Variants in CNTNAP1 observed in about 807,000 individuals in gnomAD.
CNTNAP1 encodes the protein contactin associated protein 1, also known as contactin-associated protein 1.
CNTNAP1 carries 80 observed loss-of-function variants against 161.5 expected under a neutral mutation model. That is an observed-to-expected ratio of 0.50 (90% CI 0.41 to 0.60). The LOEUF is 0.60. Ranked by LOEUF, CNTNAP1 falls within the 20% of genes least tolerant of loss-of-function variation. The pLI, the probability that CNTNAP1 is intolerant of heterozygous loss-of-function variation, is 0.00. For synonymous variants in CNTNAP1, 695 were observed against 733.1 expected (o/e 0.95, Z 0.84); for missense variants, 1,464 against 1,854.8 (o/e 0.79, Z 3.87).
In CNTNAP1 at chr17:42,699,152, T is replaced by G; in HGVS notation, c.*242T>G. The G allele has an allele frequency of 2.4e-6, 1 of 425,178 alleles. No individual in the cohort carries two copies. The highest frequency in any genetic ancestry group is 4.1e-6 in the Non-Finnish European group (1 of 241,988). 26.3% of individuals were successfully genotyped at this position (425,178 alleles called of 1,614,324 possible). On this transcript the variant is annotated 3_prime_UTR_variant, in exon 24 of 24. Coordinates refer to ENST00000264638, the MANE Select transcript of CNTNAP1 (RefSeq NM_003632.3). Reference sequence around the variant, plus strand: ...CTGTTTCCCCAGGCTCCTGGCTGTTTATCTGCCCCAAAGGAGAAGCCTCAT... The same window carrying G: ...CTGTTTCCCCAGGCTCCTGGCTGTTGATCTGCCCCAAAGGAGAAGCCTCAT...
At chr17:42,683,087 G>A in intron 1 of CNTNAP1, 191 bp downstream of exon 1, 2 of 637,622 alleles carry the variant, frequency 3.1e-6, no homozygotes, top group South Asian at 2.0e-5. Flanking sequence ...CGCGCCCGGG[G>A]CTGGGGCTGG....
At position 42,686,064 on chromosome 17, in the gene CNTNAP1, G is replaced by A. The variant is rs760814838; in HGVS notation, c.823G>A (p.Val275Ile). The A allele has an allele frequency of 6.2e-7, 1 of 1,614,214 alleles. No homozygotes were observed. The highest frequency in any genetic ancestry group is 1.1e-5 in the South Asian group (1 of 91,078). ...GCGGGTGGACCGATTTGGCCGCGAT[G>A]TAAATTTCACCCTGGACGGCTATGT... ...YVRVDRFGRD[V>I]NFTLDGYVQR... The change falls in exon 6 of 24, where the codon GTA becomes ATA. Residue 275 changes from valine to isoleucine, a missense_variant. This residue lies in a region of CNTNAP1 where 1,383 missense variants were observed against 1,765.0 expected (regional missense o/e 0.78). Transcript: ENST00000264638.
In CNTNAP1 at chr17:42,686,469, G is replaced by GTTTTTTTTTTTTTTTTTTTT. The variant is rs748366958; in HGVS notation, c.900+333_900+352dup. ...CTTGCCACTCACCAGAAAAAGGCCT[G>GTTTTTTTTTTTTTTTTTTTT]TTTTTTTTTTTTTTTTTTTTTTTTG... On this transcript the variant is annotated intron_variant, in intron 6 of 23. Coordinates refer to ENST00000264638, the MANE Select transcript of CNTNAP1 (RefSeq NM_003632.3). 1.7e-4 allele frequency among the ~76,000 whole-genome samples: 12 copies of GTTTTTTTTTTTTTTTTTTTT among 71,364 alleles called. 3 individuals are homozygous for GTTTTTTTTTTTTTTTTTTTT. The highest frequency in any genetic ancestry group is 3.4e-4 in the African/African-American group (6 of 17,404). The allele number at this position is 71,364 out of a possible 152,430, so 46.8% of individuals were successfully genotyped here.
At position 42,685,908 on chromosome 17, in the gene CNTNAP1, A is replaced by G; in HGVS notation, c.716-49A>G. 11 of 1,597,810 alleles carry G rather than the reference A, an allele frequency of 6.9e-6. No individual in the cohort carries two copies. The highest frequency in any genetic ancestry group is 9.4e-6 in the Non-Finnish European group (11 of 1,167,554). On this transcript the variant is annotated intron_variant, in intron 5 of 23. Transcript: ENST00000264638. This position sits in a 1 kb window ranked among gnomAD's most constrained non-coding sequence, Gnocchi z 5.0. ...TGCTCTGCCTAGGAGCTTGGACTCC[A>G]TGGAGTTCTCCTGGCTTGAGGTTTC...
rs745452887 is a variant in CNTNAP1 at position 42,684,050 on chromosome 17, T to A, written c.184T>A (p.Ser62Thr). 2 of 1,613,936 alleles carry A rather than the reference T, an allele frequency of 1.2e-6. No individual in the cohort carries two copies. Among genetic ancestry groups the A allele is most frequent in the Admixed American group, 3.3e-5 (2 of 60,006 alleles). Residue 62 changes from serine (S) to threonine (T), a missense_variant, in exon 3 of 24, where the codon TCA (serine) becomes ACA (threonine). By Grantham distance (58) the Ser-to-Thr change is moderately conservative. Around this residue, in one of 3 missense-constraint regions of CNTNAP1, gnomAD observed 4 missense variants for 16.3 expected, o/e 0.25. Coordinates refer to ENST00000264638, the MANE Select transcript of CNTNAP1 (RefSeq NM_003632.3). ...FARLHGISGW[S>T]PRIGDPNPWL... is the part of the protein sequence containing the mutation. ...CCTTTCTATAGGCATAAGCGGGTGG[T>A]CACCACGGATTGGGGATCCGAATCC...
intron 18 of CNTNAP1, among the ~76,000 whole-genome samples, chr17:42,694,873 G>A (rs1597810593): frequency 1.3e-5 from 2 of 152,140 alleles, no homozygotes; most frequent in Non-Finnish European, 2.9e-5. Flanking sequence ...CTGGTGGGAG[G>A]AGTGTGGGGG....
At chr17:42,698,534 CGTGTGTGTGTGTGTGTGTGT>C (rs112344327) in intron 23 of CNTNAP1, 64 bp from the exon 24 acceptor site, 3 of 865,210 alleles carry the variant, frequency 3.5e-6, no homozygotes, top group African/African-American at 1.9e-5. Context: ...TCAAAGAGTG[CGTGTGTGTGTGTGTGTGTGT>C]GTGTGTGTGT....
In CNTNAP1 at chr17:42,687,216, C is replaced by G; in HGVS notation, c.1044+170C>G. ...GGTCTCACCTGAGGTGCATGAGCCA[C>G]GCAGGCCCCTAGTTAAGAAGCAGTG... On this transcript the variant is annotated intron_variant, in intron 7 of 23. Transcript: ENST00000264638. The surrounding 1 kb of genome is among the most constrained non-coding windows in gnomAD (Gnocchi z 4.7). 4 of 798,102 alleles carry G rather than the reference C, an allele frequency of 5.0e-6. 1 individual carries two copies. Among genetic ancestry groups the G allele is most frequent in the South Asian group, 3.9e-5 (2 of 51,240 alleles). The allele number at this position is 798,102 out of a possible 1,614,324, so 49.4% of individuals were successfully genotyped here.
intron 2 of CNTNAP1, 47 bp downstream of exon 2, chr17:42,683,969 A>G: frequency 1.2e-6 from 2 of 1,612,652 alleles, no homozygotes; most frequent in Non-Finnish European, 1.7e-6. Context: ...GCACCGCGGA[A>G]GGGTGGGGGC....
Position 42,691,969 on chromosome 17 carries a change from T to C in CNTNAP1, c.2508T>C (p.Pro836=). 1 of 1,613,992 alleles carries C rather than the reference T, an allele frequency of 6.2e-7. No homozygotes were observed. The highest frequency in any genetic ancestry group is 1.1e-5 in the South Asian group (1 of 91,072). Residue 836 remains proline, a synonymous_variant, in exon 16 of 24, where the codon CCT becomes CCC. Coordinates refer to ENST00000264638, the MANE Select transcript of CNTNAP1 (RefSeq NM_003632.3). This position sits in a 1 kb window ranked among gnomAD's most constrained non-coding sequence, Gnocchi z 4.3. The stretch of plus-strand genomic sequence containing the variant: ...GCCCTTACTGCCAGTGGCGCCGACC[T>C]TATGTGCGGGTGGAACTCAACAGTG... The part of the protein sequence containing the change: ...MGGPYCQWRR[P]YVRVELNTSR...
chr17:42,685,550 C>CCCCTTTCTT lies in CNTNAP1; in HGVS notation c.715+131_715+139dup. Reference sequence around the variant, plus strand: ...CTTCTCTAAGGCCTGGACCAAACTGCCCCTTTCTTGTAGCATTTGGTGCTA... The same window carrying CCCCTTTCTT: ...CTTCTCTAAGGCCTGGACCAAACTGCCCCTTTCTTCCCTTTCTTGTAGCATTTGGTGCTA... On this transcript the variant is annotated intron_variant, in intron 5 of 23. Transcript: ENST00000264638. This position sits in a 1 kb window ranked among gnomAD's most constrained non-coding sequence, Gnocchi z 5.0. The CCCCTTTCTT allele has an allele frequency of 2.3e-6, 2 of 854,120 alleles. No individual in the cohort carries two copies. Among genetic ancestry groups the CCCCTTTCTT allele is most frequent in the South Asian group, 3.5e-5 (2 of 57,332 alleles). 52.9% of individuals were successfully genotyped at this position (854,120 alleles called of 1,614,324 possible).
In CNTNAP1 at chr17:42,686,117, C is replaced by A. The variant is rs758709669; in HGVS notation, c.876C>A (p.Phe292Leu). ...AGCGCTTTATTCTCAATGGAGACTTCGAGAGGCTGAACCTGGACACTGAGG... is the reference window on the plus strand; with the variant it reads ...AGCGCTTTATTCTCAATGGAGACTTAGAGAGGCTGAACCTGGACACTGAGG... ...YVQRFILNGDFERLNLDTEMF... is the reference protein window; with the variant it reads ...YVQRFILNGDLERLNLDTEMF... The change falls in exon 6 of 24, where the codon TTC becomes TTA. Residue 292 changes from phenylalanine to leucine, a missense_variant. Physicochemically the swap from Phe to Leu is conservative, Grantham distance 22. Transcript: ENST00000264638. The A allele has an allele frequency of 1.9e-6, 3 of 1,614,174 alleles. No individual in the cohort carries two copies. The highest frequency in any genetic ancestry group is 2.2e-5 in the East Asian group (1 of 44,890).
At position 42,687,068 on chromosome 17, in the gene CNTNAP1, G is replaced by A; in HGVS notation, c.1044+22G>A. On this transcript the variant is annotated intron_variant, in intron 7 of 23. Transcript: ENST00000264638. This position sits in a 1 kb window ranked among gnomAD's most constrained non-coding sequence, Gnocchi z 4.7. ...CGAGGCCAGTGGGCAGGGGGGTCTG[G>A]GAGGACAGGATATCAAAGCGTCGTG... 2.5e-6 allele frequency: 4 copies of A among 1,603,174 alleles called. No homozygotes were observed. The highest frequency in any genetic ancestry group is 3.4e-6 in the Non-Finnish European group (4 of 1,171,576).
Position 42,685,852 on chromosome 17 carries a change from C to T in CNTNAP1, c.716-105C>T. The stretch of plus-strand genomic sequence containing the variant: ...GCTGTTGATCTATTCGCCCACTCTC[C>T]CTGATTGCCCTGGGCTTTGTTACAC... On this transcript the variant is annotated intron_variant, in intron 5 of 23. Coordinates refer to ENST00000264638, the MANE Select transcript of CNTNAP1 (RefSeq NM_003632.3). This position sits in a 1 kb window ranked among gnomAD's most constrained non-coding sequence, Gnocchi z 5.0. The T allele has an allele frequency of 8.1e-7, 1 of 1,228,246 alleles. No homozygotes were observed. Among genetic ancestry groups the T allele is most frequent in the Admixed American group, 2.2e-5 (1 of 45,518 alleles). 76.1% of individuals were successfully genotyped at this position (1,228,246 alleles called of 1,614,324 possible).
Position 42,687,886 on chromosome 17 carries a change from G to C in CNTNAP1, c.1211G>C (p.Gly404Ala), listed in dbSNP as rs1373856191. The C allele has an allele frequency of 9.9e-6, 16 of 1,614,118 alleles. No homozygotes were observed. The highest frequency in any genetic ancestry group is 2.2e-5 in the South Asian group (2 of 91,090). The change falls in exon 8 of 24, where the codon GGG (glycine) becomes GCG (alanine). Residue 404 changes from glycine (G) to alanine (A), a missense_variant. This residue lies in a region of CNTNAP1 where 1,383 missense variants were observed against 1,765.0 expected (regional missense o/e 0.78). Coordinates refer to ENST00000264638, the MANE Select transcript of CNTNAP1 (RefSeq NM_003632.3). The surrounding 1 kb of genome is among the most constrained non-coding windows in gnomAD (Gnocchi z 4.7). ...LTGLLLFSRL[G>A]DGLGHVELTL... Reference sequence around the variant, plus strand: ...GGGCTTCTCCTTTTCTCCCGTCTGGGGGACGGGCTGGGCCACGTGGAGCTG... The same window carrying C: ...GGGCTTCTCCTTTTCTCCCGTCTGGCGGACGGGCTGGGCCACGTGGAGCTG...
chr17:42,682,958 C>A, intron 1 of CNTNAP1, 62 bp downstream of exon 1: 1 of 1,461,558 alleles, frequency 6.8e-7, no homozygotes, highest in Non-Finnish European at 9.2e-7. Flanking sequence ...TGCAGGGCGG[C>A]CCCGAACCGC....
At chr17:42,684,338 C>G in intron 3 of CNTNAP1, 109 bp downstream of exon 3, 1 of 1,062,642 alleles carries the variant, frequency 9.4e-7, no homozygotes, top group Non-Finnish European at 1.4e-6. Flanking sequence ...AGGGCTCGGA[C>G]AAGGAGCAGT....
At chr17:42,698,560 TG>T in intron 23 of CNTNAP1, 57 bp from the exon 24 acceptor site, 1 of 1,345,848 alleles carries the variant, frequency 7.4e-7, no homozygotes, top group South Asian at 1.3e-5. Flanking sequence ...TGTGTGTGTG[TG>T]TGTGTGTATA....
rs753677285 is a variant in CNTNAP1 at position 42,691,964 on chromosome 17, C to T, written c.2503C>T (p.Arg835Ter). The T allele has an allele frequency of 3.7e-6, 6 of 1,614,076 alleles. No individual in the cohort carries two copies. The highest frequency in any genetic ancestry group is 5.1e-6 in the Non-Finnish European group (6 of 1,179,992). Residue 835 changes from arginine (R) to a stop codon, truncating the protein, a stop_gained, in exon 16 of 24, where the codon CGA (arginine) becomes TGA (stop). Transcript: ENST00000264638. LOFTEE classifies it high-confidence loss of function. The surrounding 1 kb of genome is among the most constrained non-coding windows in gnomAD (Gnocchi z 4.3). ...NMGGPYCQWR[R>*]PYVRVELNTS... ...GGGGGGCCCTTACTGCCAGTGGCGC[C>T]GACCTTATGTGCGGGTGGAACTCAA...
Sources: gnomAD v4.1 joint callset for allele counts (sites outside exome capture counted in the v4.1 genomes callset) on GRCh38, gnomAD v4.1.1 for gene constraint, gnomAD v4.1.1 regional missense constraint, Gnocchi (gnomAD v3.1) non-coding constraint, MANE v1.5 for transcripts, NCBI Gene and HGNC (gene_info 2026-07-23, HGNC 2026-07-21) for gene names.